LGR5: variants seen among roughly 807,000 people sequenced by gnomAD.
LGR5 encodes leucine-rich repeat-containing G protein-coupled receptor 5.
In LGR5, 54 loss-of-function variants were observed where a neutral mutation model predicts 76.7. That is an observed-to-expected ratio of 0.70 (90% confidence interval 0.57 to 0.88). LGR5 has a LOEUF of 0.88. Ranked by LOEUF, LGR5 falls within the 40% of genes least tolerant of loss-of-function variation. The pLI, the probability that LGR5 is intolerant of heterozygous loss-of-function variation, is 0.00. For synonymous variants in LGR5, 406 were observed against 421.9 expected (o/e 0.96, Z 0.46); for missense variants, 1,078 against 1,073.3 (o/e 1.00, Z -0.06).
At chr12:71,441,841 G>T (rs145677983) in intron 1 of LGR5, 70 of 152,268 alleles carry the variant, frequency 4.6e-4, no homozygotes, top group African/African-American at 1.6e-3. Context: ...TCTCCTAAAT[G>T]ATCACGCTCT....
chr12:71,583,158 T>G (rs1879165470), intron 17 of LGR5, among the ~76,000 whole-genome samples: 1 of 152,218 alleles, frequency 6.6e-6, no homozygotes, highest in African/African-American at 2.4e-5. Context: ...ATATTTTATT[T>G]TTAACGAATA....
intron 1 of LGR5, among the ~76,000 whole-genome samples, chr12:71,475,945 G>A (rs1873314822): frequency 6.6e-6 from 1 of 152,124 alleles, no homozygotes; most frequent in South Asian, 2.1e-4. Flanking sequence ...GACGAACCTT[G>A]AGAGTTAGCT....
chr12:71,524,464 A>G lies in LGR5; in HGVS notation c.343A>G (p.Ser115Gly). The G allele has an allele frequency of 6.2e-7, 1 of 1,610,634 alleles. No homozygotes were observed. The highest frequency in any genetic ancestry group is 8.5e-7 in the Non-Finnish European group (1 of 1,177,152). Residue 115 changes from serine (S) to glycine (G), a missense_variant, in exon 3 of 18, where the codon AGT becomes GGT. Ser to Gly is a moderately conservative substitution (Grantham distance 56). Coordinates refer to ENST00000266674, the MANE Select transcript of LGR5 (RefSeq NM_003667.4). ...CAAGGGAGCATTCACTGGCCTTTACAGTCTTAAAGTTCTGTAAGTAAACTG... is the reference window on the plus strand; with the variant it reads ...CAAGGGAGCATTCACTGGCCTTTACGGTCTTAAAGTTCTGTAAGTAAACTG... ...IPKGAFTGLY[S>G]LKVLMLQNNQ...
Position 71,440,034 on chromosome 12 carries a change from G to C in LGR5, c.-47G>C, listed in dbSNP as rs758499497. The C allele has an allele frequency of 1.3e-6, 2 of 1,570,798 alleles. No homozygotes were observed. The highest frequency in any genetic ancestry group is 1.7e-6 in the Non-Finnish European group (2 of 1,155,576). On this transcript the variant is annotated 5_prime_UTR_variant, in exon 1 of 18. Coordinates refer to ENST00000266674, the MANE Select transcript of LGR5 (RefSeq NM_003667.4). The surrounding 1 kb of genome is among the most constrained non-coding windows in gnomAD (Gnocchi z 5.3). ...GCGCCACGGCCCGTAGCAGTCCGGT[G>C]CTGCTCTCCGCCCGCGTCCGGCTCG...
chr12:71,544,316 C>CTT (rs5799045), intron 4 of LGR5, among the ~76,000 whole-genome samples: 19 of 34,856 alleles, frequency 5.5e-4, no homozygotes, highest in African/African-American at 1.3e-3. Flanking sequence ...TCTTCTTCTT[C>CTT]TTTTTTTTTT....
upstream of LGR5, among the ~76,000 whole-genome samples, chr12:71,439,257 A>C (rs1334361486): frequency 6.6e-6 from 1 of 152,194 alleles, no homozygotes; most frequent in Non-Finnish European, 1.5e-5. Context: ...AGTGCGGCAG[A>C]CGTAAGGATC....
At chr12:71,501,544 C>T (rs937241250) in intron 1 of LGR5, among the ~76,000 whole-genome samples, 5 of 152,154 alleles carry the variant, frequency 3.3e-5, no homozygotes, top group African/African-American at 9.7e-5. Context: ...CCTCACCATT[C>T]TTGATATGAA....
chr12:71,462,092 C>G (rs1271004590), intron 1 of LGR5, among the ~76,000 whole-genome samples: 1 of 152,158 alleles, frequency 6.6e-6, no homozygotes, highest in Non-Finnish European at 1.5e-5. Context: ...GCATGTGCCA[C>G]TGCCAAATCA....
chr12:71,499,261 G>A (rs193116040), intron 1 of LGR5, among the ~76,000 whole-genome samples: 1 of 152,222 alleles, frequency 6.6e-6, no homozygotes, highest in African/African-American at 2.4e-5. Flanking sequence ...ATATATCAAA[G>A]GACTGGAGGT....
intron 3 of LGR5, among the ~76,000 whole-genome samples, chr12:71,533,484 C>T (rs1214057187): frequency 6.6e-6 from 1 of 152,202 alleles, no homozygotes; most frequent in Non-Finnish European, 1.5e-5. Context: ...CCTGGCCCTT[C>T]CTCAGACCTA....
chr12:71,583,870 T>C lies in LGR5; in HGVS notation c.1860T>C (p.Thr620=), dbSNP rs757010304. ...TGCTGGCTGGTGTGGATGCGTTCAC[T>C]TTTGGCAGCTTTGCACGACATGGTG... is the stretch of plus-strand genomic sequence containing the variant. ...SAVLAGVDAF[T]FGSFARHGAW... Residue 620 remains threonine, a synonymous_variant, in exon 18 of 18, where the codon ACT becomes ACC. Coordinates refer to ENST00000266674, the MANE Select transcript of LGR5 (RefSeq NM_003667.4). 1.1e-5 allele frequency: 18 copies of C among 1,614,030 alleles called. 1 individual carries two copies. In the Admixed American group the frequency reaches 3.0e-4, roughly 27 times the overall value.
chr12:71,581,388 A>T (rs535815958), intron 16 of LGR5, among the ~76,000 whole-genome samples: 6 of 152,314 alleles, frequency 3.9e-5, no homozygotes, highest in African/African-American at 1.2e-4. Context: ...TGCTTTGGGC[A>T]CCACCCCCTG....
intron 4 of LGR5, among the ~76,000 whole-genome samples, chr12:71,545,796 G>T (rs1877127033): frequency 6.6e-6 from 1 of 151,952 alleles, no homozygotes; most frequent in African/African-American, 2.4e-5. Context: ...TGTATAAAGG[G>T]CCATTTTCTG....
chr12:71,567,138 C>A, intron 11 of LGR5: 1 of 522,294 alleles, frequency 1.9e-6, no homozygotes, highest in South Asian at 2.4e-5. Flanking sequence ...CAAGCTCCCA[C>A]TAGACTTTCA....
chr12:71,475,604 A>G (rs1231590299), intron 1 of LGR5, among the ~76,000 whole-genome samples: 1 of 152,170 alleles, frequency 6.6e-6, no homozygotes, highest in Non-Finnish European at 1.5e-5. Context: ...GCTCTTGTAC[A>G]TGCTGTTCTC....
intron 2 of LGR5, among the ~76,000 whole-genome samples, chr12:71,516,716 G>C (rs1468170741): frequency 6.6e-6 from 1 of 152,086 alleles, no homozygotes; most frequent in Non-Finnish European, 1.5e-5. Flanking sequence ...ACTGTAGATG[G>C]TTTTTACAGC....
rs770497900 is a variant in LGR5, at chr12:71,580,341, G to A, written c.1470G>A (p.Lys490=). The change falls in exon 16 of 18, where the codon AAG becomes AAA. Residue 490 remains lysine (K), a synonymous_variant. Coordinates refer to ENST00000266674, the MANE Select transcript of LGR5 (RefSeq NM_003667.4). ...TTGGAGTGTGTGAGAATGCCTATAA[G>A]ATTTCTAATCAATGGAATAAAGGTG... The part of the protein sequence containing the change: ...CAFGVCENAY[K]ISNQWNKGDN... The A allele has an allele frequency of 8.7e-6, 14 of 1,613,938 alleles. No homozygotes were observed. The Admixed American group carries it at 1.2e-4, about 13-fold the overall frequency.
chr12:71,509,746 C>T (rs1193215146), intron 2 of LGR5, among the ~76,000 whole-genome samples: 6 of 152,066 alleles, frequency 3.9e-5, no homozygotes, highest in African/African-American at 1.4e-4. Context: ...GCCTTTATTT[C>T]CAAGTAGTAT....
intron 4 of LGR5, among the ~76,000 whole-genome samples, chr12:71,546,370 A>C (rs1019579022): frequency 3.9e-5 from 6 of 151,992 alleles, no homozygotes; most frequent in Admixed American, 2.0e-4. Context: ...GCTCTTTGCC[A>C]CATAGAACAC....
Sources: gnomAD v4.1 joint callset for allele counts (sites outside exome capture counted in the v4.1 genomes callset) on GRCh38, gnomAD v4.1.1 for gene constraint, Gnocchi (gnomAD v3.1) non-coding constraint, MANE v1.5 for transcripts, NCBI Gene and HGNC (gene_info 2026-07-23, HGNC 2026-07-21) for gene names.